Variants in THUMPD2 observed in about 807,000 individuals in gnomAD.
The protein encoded by THUMPD2 is THUMP domain 2 tRNA and snRNA guanosine methyltransferase.
Under a neutral mutation model 49.4 loss-of-function variants are expected in THUMPD2, and 56 were observed. The ratio of observed to expected loss-of-function variants is 1.13; its 90% confidence interval spans 0.91 to 1.41. The LOEUF is 1.41. Ranked by LOEUF, THUMPD2 falls within the 40% of genes most tolerant of loss-of-function variation. THUMPD2 has a pLI of 0.00. For synonymous variants in THUMPD2, 237 were observed against 205.2 expected (o/e 1.15, Z -1.32); for missense variants, 709 against 594.5 (o/e 1.19, Z -2.00).
At chr2:39,762,748 G>C (rs1016171086) in intron 5 of THUMPD2, among the ~76,000 whole-genome samples, 1 of 149,870 alleles carries the variant, frequency 6.7e-6, no homozygotes, top group African/African-American at 2.5e-5. Flanking sequence ...TTGCATTCTA[G>C]ATGCCAAAAC....
At chr2:39,743,227 T>C (rs1425161277) in intron 9 of THUMPD2, among the ~76,000 whole-genome samples, 1 of 152,210 alleles carries the variant, frequency 6.6e-6, no homozygotes, top group African/African-American at 2.4e-5. Flanking sequence ...TGTTATCAAA[T>C]TCCCAGCTAG....
At chr2:39,761,207 AAGT>A in intron 6 of THUMPD2, 121 bp downstream of exon 6, 1 of 785,644 alleles carries the variant, frequency 1.3e-6, no homozygotes, top group Non-Finnish European at 2.0e-6. Context: ...AAAAGAAAAG[AAGT>A]TAAAGAAAAA....
chr2:39,756,506 T>C (rs1572810782), intron 6 of THUMPD2, among the ~76,000 whole-genome samples: 2 of 148,896 alleles, frequency 1.3e-5, no homozygotes, highest in African/African-American at 4.9e-5. Context: ...GAAATGACTA[T>C]AATGATCGAA....
At chr2:39,774,612 A>G (rs1678824256) in intron 1 of THUMPD2, among the ~76,000 whole-genome samples, 1 of 152,216 alleles carries the variant, frequency 6.6e-6, no homozygotes, top group Non-Finnish European at 1.5e-5. Flanking sequence ...GAAGATAGGT[A>G]TGATACCTTA....
At chr2:39,771,434 T>A in intron 2 of THUMPD2, 71 bp downstream of exon 2, 1 of 1,465,518 alleles carries the variant, frequency 6.8e-7, no homozygotes, top group Non-Finnish European at 9.1e-7. Flanking sequence ...GGCTACATAT[T>A]ATCAAGCAGA....
intron 2 of THUMPD2, among the ~76,000 whole-genome samples, chr2:39,770,417 A>C (rs968389713): frequency 6.6e-6 from 1 of 152,140 alleles, no homozygotes; most frequent in Admixed American, 6.6e-5. Flanking sequence ...TATCTCTTCA[A>C]TATATACATA....
At chr2:39,762,196 ATGATG>A (rs1427926698) in intron 5 of THUMPD2, among the ~76,000 whole-genome samples, 19 of 152,172 alleles carry the variant, frequency 1.2e-4, no homozygotes, top group Non-Finnish European at 2.5e-4. Context: ...GTACGAAGAC[ATGATG>A]TCAAGAATTT....
intron 8 of THUMPD2, among the ~76,000 whole-genome samples, chr2:39,751,149 T>C (rs1399268962): frequency 6.6e-6 from 1 of 152,252 alleles, no homozygotes; most frequent in Admixed American, 6.5e-5. Flanking sequence ...GGCAGCTTCA[T>C]GAATCTTGCA....
rs1677878776 is a variant in THUMPD2 at position 39,768,692 on chromosome 2, C to G, written c.673-191G>C. 4.7e-5 allele frequency: 32 copies of G among 676,352 alleles called. No homozygotes were observed. The South Asian group carries it at 6.2e-4, about 13-fold the overall frequency. 41.9% of individuals were successfully genotyped at this position (676,352 alleles called of 1,614,324 possible). A position where few individuals can be genotyped will look rare whatever the true frequency, so the allele number is the denominator to read the frequency against. On this transcript the variant is annotated intron_variant, in intron 3 of 9. Transcript: ENST00000505747. ...GCAGTAAGGCTGTATTTTACCTGCC[C>G]TAGCCCCCAGTACACCCCATGGCAT...
chr2:39,772,872 T>C (rs1558541517), intron 1 of THUMPD2, among the ~76,000 whole-genome samples: 3 of 152,172 alleles, frequency 2.0e-5, no homozygotes, highest in Admixed American at 6.5e-5. Flanking sequence ...TCTGTCAAGA[T>C]CTAATTAAGC....
Position 39,755,306 on chromosome 2 carries a change from A to C in THUMPD2, c.1067T>G (p.Ile356Ser), listed in dbSNP as rs756640485. Reference sequence around the variant, plus strand: ...TTTTAGTATCTTACCTATAACAGAGATTTTAAGTAATTCAATTTTATCCTC... The same window carrying C: ...TTTTAGTATCTTACCTATAACAGAGCTTTTAAGTAATTCAATTTTATCCTC... Reference protein sequence around the residue: ...GLEDKIELLKISVIELPLPSE... With the variant: ...GLEDKIELLKSSVIELPLPSE... Residue 356 changes from isoleucine (I) to serine (S), a missense_variant, in exon 8 of 10, where the codon ATC (isoleucine) becomes AGC (serine). Ile to Ser is a moderately radical substitution (Grantham distance 142). Coordinates refer to ENST00000505747, the MANE Select transcript of THUMPD2 (RefSeq NM_025264.5). 5 of 1,541,238 alleles carry C rather than the reference A, an allele frequency of 3.2e-6. No homozygotes were observed. The highest frequency in any genetic ancestry group is 4.9e-5 in the Admixed American group (2 of 40,862).
intron 6 of THUMPD2, among the ~76,000 whole-genome samples, chr2:39,756,734 T>C (rs1343480988): frequency 6.6e-6 from 1 of 152,078 alleles, no homozygotes; most frequent in Non-Finnish European, 1.5e-5. Flanking sequence ...GCTTGACAAT[T>C]ATACGGTAAC....
At chr2:39,742,867 CA>C (rs1674088808) in intron 9 of THUMPD2, among the ~76,000 whole-genome samples, 1 of 152,064 alleles carries the variant, frequency 6.6e-6, no homozygotes. Context: ...TCAGGGTTGC[CA>C]AATCTGCTCA....
chr2:39,759,251 G>A (rs977417553), intron 6 of THUMPD2, among the ~76,000 whole-genome samples: 8 of 151,568 alleles, frequency 5.3e-5, no homozygotes, highest in African/African-American at 1.5e-4. Flanking sequence ...TGCTTAGGCC[G>A]GAGAAGTAAA....
In THUMPD2 at chr2:39,755,396, ACAT is replaced by A. The variant is rs754961577; in HGVS notation, c.974_976del (p.Tyr325_Val326delinsLeu). On this transcript the variant is annotated inframe_deletion, in exon 8 of 10. Transcript: ENST00000505747. Reference sequence around the variant, plus strand: ...CTGTGAGTCGCTGACATCAGCACCTACATAATACACATCCTATGGGGAAATAAA... The same window carrying A: ...CTGTGAGTCGCTGACATCAGCACCTAAATACACATCCTATGGGGAAATAAA... 1 of 1,561,618 alleles carries A rather than the reference ACAT, an allele frequency of 6.4e-7. No homozygotes were observed. Among genetic ancestry groups the A allele is most frequent in the East Asian group, 2.4e-5 (1 of 42,068 alleles).
intron 6 of THUMPD2, among the ~76,000 whole-genome samples, chr2:39,759,185 T>C (rs1292509164): frequency 6.6e-6 from 1 of 151,902 alleles, no homozygotes; most frequent in Non-Finnish European, 1.5e-5. Flanking sequence ...AAGAGAGTAG[T>C]TTAAAGTTAA....
intron 5 of THUMPD2, among the ~76,000 whole-genome samples, chr2:39,765,605 C>T (rs2148314300): frequency 6.6e-6 from 1 of 151,974 alleles, no homozygotes; most frequent in Admixed American, 6.6e-5. Flanking sequence ...TGGTGATCAT[C>T]AATAATTATA....
chr2:39,773,345 A>G (rs1678590768), intron 1 of THUMPD2, among the ~76,000 whole-genome samples: 1 of 151,904 alleles, frequency 6.6e-6, no homozygotes, highest in Non-Finnish European at 1.5e-5. Flanking sequence ...TTTTACTGAA[A>G]ATGTATGATT....
intron 5 of THUMPD2, among the ~76,000 whole-genome samples, chr2:39,763,988 C>T (rs187559241): frequency 6.6e-6 from 1 of 152,356 alleles, no homozygotes; most frequent in African/African-American, 2.4e-5. Context: ...CCATGTAAAT[C>T]AAGCTTCCTT....
Sources: allele counts gnomAD v4.1 joint callset (sites outside exome capture counted in the v4.1 genomes callset), GRCh38; gene constraint gnomAD v4.1.1; transcripts MANE v1.5; gene names NCBI Gene and HGNC (gene_info 2026-07-23, HGNC 2026-07-21).